EIF4B: variants seen among roughly 807,000 people sequenced by gnomAD.
EIF4B encodes eukaryotic translation initiation factor 4B.
Under a neutral mutation model 79.3 loss-of-function variants are expected in EIF4B, and 8 were observed. That is an observed-to-expected ratio of 0.10 (90% CI 0.06 to 0.18). The LOEUF (loss-of-function observed/expected upper bound fraction) is 0.18, where lower values mean the gene tolerates loss of function less well. Ranked by LOEUF, EIF4B falls within the 10% of genes least tolerant of loss-of-function variation. EIF4B has a pLI of 1.00. For synonymous variants in EIF4B, 238 were observed against 274.7 expected (o/e 0.87, Z 1.32); for missense variants, 515 against 792.4 (o/e 0.65, Z 4.20).
At chr12:53,039,036 G>T in intron 12 of EIF4B, 1 of 478,258 alleles carries the variant, frequency 2.1e-6, no homozygotes, top group Non-Finnish European at 3.7e-6. Flanking sequence ...GAACTTTTTA[G>T]TGGATTTTGT....
Position 53,038,395 on chromosome 12 carries a change from A to C in EIF4B, c.1560A>C (p.Glu520Asp). 2 of 1,600,796 alleles carry C rather than the reference A, an allele frequency of 1.2e-6. No homozygotes were observed. The highest frequency in any genetic ancestry group is 8.5e-7 in the Non-Finnish European group (1 of 1,173,196). ...TAGCTCCAGCTCAACCATCTGAGGAAGGACCAGGAAGGAAAGGTGAGCTCA... is the reference window on the plus strand; with the variant it reads ...TAGCTCCAGCTCAACCATCTGAGGACGGACCAGGAAGGAAAGGTGAGCTCA... Reference protein sequence around the residue: ...GKVAPAQPSEEGPGRKDENKV... With the variant: ...GKVAPAQPSEDGPGRKDENKV... The change falls in exon 12 of 15, where the codon GAA becomes GAC. Residue 520 changes from glutamate to aspartate, a missense_variant. By Grantham distance (45) the Glu-to-Asp change is conservative (BLOSUM62 2). This residue lies in a region of EIF4B where 146 missense variants were observed against 228.0 expected (regional missense o/e 0.64). Transcript: ENST00000262056.
chr12:53,030,487 T>C (rs1489128993), intron 8 of EIF4B, among the ~76,000 whole-genome samples: 2 of 135,392 alleles, frequency 1.5e-5, no homozygotes, highest in Non-Finnish European at 3.1e-5. Flanking sequence ...AATGGCGCGA[T>C]CTCGGCTCAC....
rs1943618407 is a variant in EIF4B, at chr12:53,040,644, T to TA, written c.*422dup. 6.5e-6 allele frequency: 1 copy of TA among 154,762 alleles called. No homozygotes were observed. The highest frequency in any genetic ancestry group is 2.4e-5 in the African/African-American group (1 of 41,498). The allele number at this position is 154,762 out of a possible 1,614,324, so 9.6% of individuals were successfully genotyped here. ...TTTTAGTTTTTATCCTATTGTGGCA[T>TA]ATATGAATTCTCAAACATTATCTGA... On this transcript the variant is annotated 3_prime_UTR_variant, in exon 15 of 15. Transcript: ENST00000262056.
At chr12:53,020,985 A>G (rs186542788) in intron 4 of EIF4B, among the ~76,000 whole-genome samples, 3 of 152,188 alleles carry the variant, frequency 2.0e-5, no homozygotes, top group African/African-American at 7.2e-5. Context: ...GTTGTGGTCC[A>G]TAGTTAAGAG....
intron 8 of EIF4B, among the ~76,000 whole-genome samples, chr12:53,033,033 C>T (rs998870380): frequency 1.5e-4 from 23 of 151,228 alleles, no homozygotes; most frequent in Admixed American, 1.1e-3. Context: ...TTATTTTAGG[C>T]GTAGTTTTGC....
At position 53,024,490 on chromosome 12, in the gene EIF4B, C is replaced by G. The variant is rs532666751; in HGVS notation, c.667+1863C>G. Among the ~76,000 whole-genome samples, 4 of 152,230 alleles carry G rather than the reference C, an allele frequency of 2.6e-5. No individual in the cohort carries two copies. In the East Asian group the frequency reaches 7.7e-4, roughly 29 times the overall value. On this transcript the variant is annotated intron_variant, in intron 6 of 14. Transcript: ENST00000262056. ...GGATAGGGAAAATTCTGTTTTTAGT[C>G]TGTAACATATTTCTTTTAAACAAAA...
chr12:53,018,719 A>T (rs1029263172), intron 2 of EIF4B, 79 bp from the exon 3 acceptor site: 34 of 1,542,720 alleles, frequency 2.2e-5, no homozygotes, highest in Non-Finnish European at 3.0e-5. Flanking sequence ...ATATTTGGCA[A>T]TTAACATGGG....
At chr12:53,022,372 TG>T in intron 5 of EIF4B, 120 bp from the exon 6 acceptor site, 1 of 1,406,670 alleles carries the variant, frequency 7.1e-7, no homozygotes, top group Non-Finnish European at 1.0e-6. Context: ...CTGAGGTAAC[TG>T]GGATGACAGT....
chr12:53,008,749 C>G (rs1228434823), intron 1 of EIF4B: 1 of 152,186 alleles, frequency 6.6e-6, no homozygotes, highest in Non-Finnish European at 1.5e-5. Context: ...AAAAAGAATT[C>G]TTAAAGGCCG....
chr12:53,018,194 A>G (rs541688402), intron 2 of EIF4B, among the ~76,000 whole-genome samples: 59 of 152,182 alleles, frequency 3.9e-4, no homozygotes, highest in Middle Eastern at 3.4e-3. Flanking sequence ...TTTCACCATA[A>G]TGGTCAGGCT....
intron 3 of EIF4B, among the ~76,000 whole-genome samples, chr12:53,019,439 T>G (rs11170376): frequency 2.0e-5 from 2 of 97,958 alleles, no homozygotes; most frequent in African/African-American, 5.1e-5. Context: ...ATATATATAT[T>G]TTTTTTTTTT....
At chr12:53,009,399 G>A (rs540297274) in intron 1 of EIF4B, among the ~76,000 whole-genome samples, 1 of 152,236 alleles carries the variant, frequency 6.6e-6, no homozygotes, top group African/African-American at 2.4e-5. Flanking sequence ...GGCTGGGCGT[G>A]GTGGCTCACG....
rs1163329742 is a variant in EIF4B, at chr12:53,038,425, AT to A, written c.1576+15del. ...CAGGAAGGAAAGGTGAGCTCATAGT[AT>A]GGGAAATAGGTTTTTCACCTAGAAG... is the stretch of plus-strand genomic sequence containing the variant. On this transcript the variant is annotated intron_variant, in intron 12 of 14. Coordinates refer to ENST00000262056, the MANE Select transcript of EIF4B (RefSeq NM_001417.7). 2 of 1,579,282 alleles carry A rather than the reference AT, an allele frequency of 1.3e-6. No individual in the cohort carries two copies. The highest frequency in any genetic ancestry group is 2.7e-5 in the African/African-American group (2 of 73,106).
intron 1 of EIF4B, among the ~76,000 whole-genome samples, chr12:53,011,039 G>C (rs1446898202): frequency 6.6e-6 from 1 of 152,124 alleles, no homozygotes; most frequent in Non-Finnish European, 1.5e-5. Flanking sequence ...CAAGGCAAGA[G>C]GATCACTTAA....
At chr12:53,018,444 A>C (rs1943182640) in intron 2 of EIF4B, among the ~76,000 whole-genome samples, 1 of 152,198 alleles carries the variant, frequency 6.6e-6, no homozygotes, top group Non-Finnish European at 1.5e-5. Flanking sequence ...CCTTGGGCAA[A>C]TTACTGTCTG....
At chr12:53,011,562 CAG>C in intron 1 of EIF4B, among the ~76,000 whole-genome samples, 1 of 152,120 alleles carries the variant, frequency 6.6e-6, no homozygotes, top group Non-Finnish European at 1.5e-5. Flanking sequence ...TGAGCAGAAT[CAG>C]AGATAACTGC....
intron 8 of EIF4B, among the ~76,000 whole-genome samples, chr12:53,033,164 C>T (rs4919723): frequency 0.8 from 120,768 of 150,642 alleles, 50,570 homozygotes; most frequent in Non-Finnish European, 0.93. Context: ...GGATTATAGG[C>T]ATGCACCACC....
chr12:53,028,745 G>A (rs1013721811), intron 8 of EIF4B, among the ~76,000 whole-genome samples: 7 of 146,390 alleles, frequency 4.8e-5, no homozygotes, highest in African/African-American at 1.0e-4. Flanking sequence ...TAAAACAGAT[G>A]GTTTTAGCTC....
At chr12:53,021,742 G>A (rs1160768796) in intron 4 of EIF4B, 64 bp from the exon 5 acceptor site, 1 of 1,587,192 alleles carries the variant, frequency 6.3e-7, no homozygotes, top group Middle Eastern at 1.7e-4. Context: ...AGACGTTCAA[G>A]GTCACTCAAG....
Sources: gnomAD v4.1 joint callset for allele counts (sites outside exome capture counted in the v4.1 genomes callset) on GRCh38, gnomAD v4.1.1 for gene constraint, gnomAD v4.1.1 regional missense constraint, MANE v1.5 for transcripts, NCBI Gene and HGNC (gene_info 2026-07-23, HGNC 2026-07-21) for gene names.